The following NADK2 variants were observed in gnomAD, a reference collection of about 807,000 sequenced individuals.
NADK2 encodes the protein NAD kinase domain-containing protein 1, mitochondrial.
In NADK2, 35 loss-of-function variants were observed where a neutral mutation model predicts 62.1. The ratio of observed to expected loss-of-function variants is 0.56; its 90% CI spans 0.43 to 0.75. The LOEUF (loss-of-function observed/expected upper bound fraction) is 0.75, where lower values mean the gene tolerates loss of function less well. NADK2 is among the 30% of genes least tolerant of loss of function. The probability of loss-of-function intolerance (pLI) is 0.00; values close to 1 mark genes in which losing one functional copy is unlikely to be tolerated. For synonymous variants in NADK2, 205 were observed against 207.9 expected, an observed-to-expected ratio of 0.99 and a Z score of 0.12; for missense variants, 439 against 561.3, an observed-to-expected ratio of 0.78 and a Z score of 2.20.
At chr5:36,236,771 G>GC (rs1335685788) in intron 1 of NADK2, among the ~76,000 whole-genome samples, 1 of 147,948 alleles carries the variant, frequency 6.8e-6, no homozygotes, top group Non-Finnish European at 1.5e-5. Flanking sequence ...ATGAAGTGAA[G>GC]AATGCCTAAC....
rs1373924346 is a variant in NADK2, at chr5:36,241,566, G to C, written c.233C>G (p.Thr78Ser). ...CCGCTGCTGCTCGAACTCGTACCGG[G>C]TGGTTTTGGCCACCACCACCACCCG... Reference protein sequence around the residue: ...PSRVVVVAKTTRYEFEQQRYR... With the variant: ...PSRVVVVAKTSRYEFEQQRYR... Residue 78 changes from threonine (T) to serine (S), a missense_variant, in exon 1 of 12, where the codon ACC (threonine) becomes AGC (serine). Thr to Ser is a moderately conservative substitution (Grantham distance 58). Coordinates refer to ENST00000381937, the MANE Select transcript of NADK2 (RefSeq NM_001085411.3). This position sits in a 1 kb window ranked among gnomAD's most constrained non-coding sequence, Gnocchi z 4.9. The C allele has an allele frequency of 6.4e-7, 1 of 1,555,872 alleles. No homozygotes were observed. The highest frequency in any genetic ancestry group is 8.6e-7 in the Non-Finnish European group (1 of 1,160,654).
intron 9 of NADK2, 137 bp from the exon 10 acceptor site, chr5:36,200,417 C>T (rs1746399960): frequency 2.6e-6 from 1 of 383,334 alleles, no homozygotes; most frequent in Non-Finnish European, 4.3e-6. Context: ...AACATAATAG[C>T]TAATATAAAA....
rs750272972 is a variant in NADK2, at chr5:36,197,672, GAAA to G, written c.1067-11_1067-9del. 1.3e-6 allele frequency: 2 copies of G among 1,509,412 alleles called. No individual in the cohort carries two copies. Among genetic ancestry groups the G allele is most frequent in the South Asian group, 2.6e-5 (2 of 76,540 alleles). The allele number at this position is 1,509,412 out of a possible 1,614,324, so 93.5% of individuals were successfully genotyped here. A position where few individuals can be genotyped will look rare whatever the true frequency, so the allele number is the denominator to read the frequency against. ...CATTATATTCATTTGTTACTACAAA[GAAA>G]AAAAAATTAGCACACTCAATAAAAG... On this transcript the variant is annotated splice_polypyrimidine_tract_variant and intron_variant, in intron 10 of 11. Transcript: ENST00000381937.
chr5:36,200,372 G>A, intron 9 of NADK2, 92 bp from the exon 10 acceptor site: 1 of 612,984 alleles, frequency 1.6e-6, no homozygotes, highest in Non-Finnish European at 2.4e-6. Flanking sequence ...AATGCTTAAA[G>A]TGTATATGTG....
intron 7 of NADK2, among the ~76,000 whole-genome samples, chr5:36,211,564 A>G (rs1561062432): frequency 6.6e-6 from 1 of 151,726 alleles, no homozygotes; most frequent in African/African-American, 2.4e-5. Context: ...CAAAAAAAAA[A>G]AATAATAAAG....
chr5:36,202,785 G>C (rs1164257037), intron 8 of NADK2, among the ~76,000 whole-genome samples: 1 of 152,044 alleles, frequency 6.6e-6, no homozygotes, highest in African/African-American at 2.4e-5. Context: ...GTAGAGCCAC[G>C]TGATGGAAGA....
At chr5:36,215,047 T>A (rs1246698689) in intron 6 of NADK2, among the ~76,000 whole-genome samples, 4 of 152,300 alleles carry the variant, frequency 2.6e-5, no homozygotes, top group Non-Finnish European at 2.9e-5. Flanking sequence ...CCATTTTATA[T>A]GAGGGATGTG....
chr5:36,200,356 G>C (rs1357243354), intron 9 of NADK2, 76 bp from the exon 10 acceptor site: 3 of 887,702 alleles, frequency 3.4e-6, no homozygotes, highest in Non-Finnish European at 4.7e-6. Flanking sequence ...TTGAAAAAGG[G>C]GGAAAAATGC....
In NADK2 at chr5:36,227,602, T is replaced by C. The variant is rs181288481; in HGVS notation, c.301-37A>G. 818 of 1,143,370 alleles carry C rather than the reference T, an allele frequency of 7.2e-4. 4 individuals carry two copies. In the African/African-American group the frequency reaches 0.011, roughly 15 times the overall value. The allele number at this position is 1,143,370 out of a possible 1,614,324, so 70.8% of individuals were successfully genotyped here. ...CAAAAGAAACGTTGTTTTACTAATA[T>C]ATATTACACATGATGTTCTAATATT... On this transcript the variant is annotated intron_variant, in intron 1 of 11. Transcript: ENST00000381937.
chr5:36,231,565 T>A (rs1034824849), intron 1 of NADK2, among the ~76,000 whole-genome samples: 1 of 152,328 alleles, frequency 6.6e-6, no homozygotes, highest in East Asian at 1.9e-4. Flanking sequence ...AATCACTTAA[T>A]AAACAGCATC....
intron 7 of NADK2, 47 bp downstream of exon 7, chr5:36,211,797 C>T (rs748150955): frequency 2.0e-6 from 3 of 1,480,920 alleles, no homozygotes; most frequent in Admixed American, 1.8e-5. Context: ...TATCCAAAAG[C>T]ACTAAAACAT....
intron 4 of NADK2, among the ~76,000 whole-genome samples, chr5:36,224,769 T>C (rs1747418195): frequency 6.6e-6 from 1 of 152,078 alleles, no homozygotes; most frequent in Non-Finnish European, 1.5e-5. Context: ...GAATTCCAGA[T>C]CACCATAAAG....
intron 6 of NADK2, among the ~76,000 whole-genome samples, chr5:36,214,249 T>C (rs1348653987): frequency 6.6e-6 from 1 of 152,182 alleles, no homozygotes; most frequent in Admixed American, 6.5e-5. Context: ...TGGCACAATC[T>C]CGGCTCACTG....
intron 6 of NADK2, among the ~76,000 whole-genome samples, chr5:36,215,289 T>C (rs1747001937): frequency 6.6e-6 from 1 of 152,174 alleles, no homozygotes; most frequent in South Asian, 2.1e-4. Flanking sequence ...GTTTCCTAAT[T>C]GAAATTTTTA....
rs1408996304 is a variant in NADK2 at position 36,193,067 on chromosome 5, A to T, written c.*2077T>A. On this transcript the variant is annotated 3_prime_UTR_variant, in exon 12 of 12. Transcript: ENST00000381937. ...AATAAGTATTTTTAAAACCTTTTAA[A>T]ATATGGCTTATAATTTTACACAGCA... is the stretch of plus-strand genomic sequence containing the variant. 6.6e-6 allele frequency: 1 copy of T among 152,246 alleles called. No homozygotes were observed. The highest frequency in any genetic ancestry group is 2.4e-5 in the African/African-American group (1 of 41,460). The allele number at this position is 152,246 out of a possible 1,614,324, so 9.4% of individuals were successfully genotyped here. A position where few individuals can be genotyped will look rare whatever the true frequency, so the allele number is the denominator to read the frequency against.
chr5:36,226,646 T>G, intron 2 of NADK2, 83 bp from the exon 3 acceptor site: 1 of 881,758 alleles, frequency 1.1e-6, no homozygotes, highest in Non-Finnish European at 1.8e-6. Flanking sequence ...GGCAGATGAT[T>G]ACAATAGAGA....
chr5:36,237,959 G>A (rs573900404), intron 1 of NADK2, among the ~76,000 whole-genome samples: 3 of 152,252 alleles, frequency 2.0e-5, no homozygotes, highest in East Asian at 3.9e-4. Context: ...GGTACAGGGA[G>A]CTTCTGTGGA....
At chr5:36,195,432 T>A in intron 11 of NADK2, 150 bp from the exon 12 acceptor site, 5 of 794,476 alleles carry the variant, frequency 6.3e-6, no homozygotes, top group African/African-American at 1.8e-5. Flanking sequence ...TGTAAATATA[T>A]GGGTATATTA....
intron 6 of NADK2, among the ~76,000 whole-genome samples, chr5:36,213,632 TGGATTTG>T (rs1554008798): frequency 6.8e-6 from 1 of 146,254 alleles, no homozygotes. Flanking sequence ...TATATATATA[TGGATTTG>T]ATATGTTTAA....
Sources: allele counts gnomAD v4.1 joint callset (sites outside exome capture counted in the v4.1 genomes callset), GRCh38; gene constraint gnomAD v4.1.1; non-coding constraint Gnocchi (gnomAD v3.1); transcripts MANE v1.5; gene names NCBI Gene and HGNC (gene_info 2026-07-23, HGNC 2026-07-21).